Variants in RORA observed in about 807,000 individuals in gnomAD.
The protein encoded by RORA is nuclear receptor ROR-alpha.
RORA carries 7 observed loss-of-function variants against 69.5 expected under a neutral mutation model. That is an observed-to-expected ratio of 0.10 (90% CI 0.06 to 0.19). The LOEUF (loss-of-function observed/expected upper bound fraction) is 0.19, where lower values mean the gene tolerates loss of function less well. RORA is among the 10% of genes least tolerant of loss of function. The probability of loss-of-function intolerance (pLI) is 1.00; values close to 1 mark genes in which losing one functional copy is unlikely to be tolerated. For missense variants in RORA, 457 were observed against 663.0 expected (o/e 0.69, Z 3.41); for synonymous variants, 261 against 240.8 (o/e 1.08, Z -0.78).
At chr15:60,694,614 C>T (rs1280689005) in intron 1 of RORA, among the ~76,000 whole-genome samples, 1 of 152,216 alleles carries the variant, frequency 6.6e-6, no homozygotes, top group East Asian at 1.9e-4. Context: ...CTCGCCCAAA[C>T]CTCGAGGACA....
chr15:60,847,717 T>C (rs954804987), intron 1 of RORA: 8 of 152,202 alleles, frequency 5.3e-5, no homozygotes, highest in African/African-American at 1.7e-4. Flanking sequence ...AAGTTTTCCA[T>C]ATTGATACCA....
At chr15:60,785,910 C>T (rs1053602934) in intron 1 of RORA, among the ~76,000 whole-genome samples, 18 of 152,204 alleles carry the variant, frequency 1.2e-4, no homozygotes, top group African/African-American at 2.4e-4. Context: ...CTGTATGCTC[C>T]GCACAACAGG....
intron 1 of RORA, among the ~76,000 whole-genome samples, chr15:61,173,823 C>T (rs528080125): frequency 6.6e-6 from 1 of 152,208 alleles, no homozygotes; most frequent in African/African-American, 2.4e-5. Context: ...TGCCACCGTG[C>T]CTGGATGATT....
At chr15:60,862,363 G>A (rs561158023) in intron 1 of RORA, among the ~76,000 whole-genome samples, 1 of 152,212 alleles carries the variant, frequency 6.6e-6, no homozygotes, top group Non-Finnish European at 1.5e-5. Context: ...AGATGGACAA[G>A]GAAAAGTGGG....
intron 1 of RORA, among the ~76,000 whole-genome samples, chr15:61,175,272 A>T (rs2079617790): frequency 6.6e-6 from 1 of 152,156 alleles, no homozygotes; most frequent in Non-Finnish European, 1.5e-5. Context: ...TAGGATTCAA[A>T]TTTAGGAAAT....
chr15:60,645,811 T>A (rs199850371), intron 2 of RORA, among the ~76,000 whole-genome samples: 4 of 139,906 alleles, frequency 2.9e-5, no homozygotes, highest in East Asian at 2.0e-4. Flanking sequence ...TTTTTTTTTT[T>A]TAAAAAATTA....
chr15:60,538,228 C>T (rs2066741188), intron 2 of RORA, among the ~76,000 whole-genome samples: 1 of 152,172 alleles, frequency 6.6e-6, no homozygotes, highest in African/African-American at 2.4e-5. Flanking sequence ...AAAGAAAGCA[C>T]TGGGAGTCAA....
intron 1 of RORA, among the ~76,000 whole-genome samples, chr15:61,186,531 C>T (rs2140909944): frequency 6.6e-6 from 1 of 150,394 alleles, no homozygotes; most frequent in Middle Eastern, 3.4e-3. Flanking sequence ...ATCCCAGCTA[C>T]TCAGGATGTT....
At chr15:61,059,483 A>G (rs2078140940) in intron 1 of RORA, among the ~76,000 whole-genome samples, 1 of 152,234 alleles carries the variant, frequency 6.6e-6, no homozygotes. Flanking sequence ...AAATGTACCT[A>G]TTTATTACAA....
At chr15:60,911,069 ATTTTTTTTTTT>A (rs528370848) in intron 1 of RORA, among the ~76,000 whole-genome samples, 23 of 89,682 alleles carry the variant, frequency 2.6e-4, no homozygotes, top group Middle Eastern at 5.6e-3. Flanking sequence ...TGCCCAGCTA[ATTTTTTTTTTT>A]TTTTTTTTTT....
chr15:61,226,082 A>G lies in RORA; in HGVS notation c.166+2971T>C, dbSNP rs2080142925. On this transcript the variant is annotated intron_variant, in intron 1 of 10. Transcript: ENST00000335670. This position sits in a 1 kb window ranked among gnomAD's most constrained non-coding sequence, Gnocchi z 4.2. ...CAATAAAGGTACACAGTGCATCCAC[A>G]CTTGGATTCCCAAGAGGGAGGAATT... 6.6e-6 allele frequency among the ~76,000 whole-genome samples: 1 copy of G among 152,180 alleles called. No homozygotes were observed. The highest frequency in any genetic ancestry group is 1.5e-5 in the Non-Finnish European group (1 of 68,016).
Position 61,193,421 on chromosome 15 carries a change from A to T in RORA, c.166+35632T>A, listed in dbSNP as rs537324267. Among the ~76,000 whole-genome samples the T allele has an allele frequency of 2.0e-5, 3 of 152,282 alleles. No individual in the cohort carries two copies. The East Asian group carries it at 5.8e-4, about 29-fold the overall frequency. On this transcript the variant is annotated intron_variant, in intron 1 of 10. Transcript: ENST00000335670. Reference sequence around the variant, plus strand: ...CTAGTGAGTATTTTTTTAAGGATTCATTATAGAAAAAGTTAGACTTTTTCC... The same window carrying T: ...CTAGTGAGTATTTTTTTAAGGATTCTTTATAGAAAAAGTTAGACTTTTTCC...
At chr15:60,784,383 G>A (rs1409889725) in intron 1 of RORA, among the ~76,000 whole-genome samples, 4 of 152,110 alleles carry the variant, frequency 2.6e-5, no homozygotes, top group African/African-American at 9.7e-5. Context: ...GGAGATTCTG[G>A]ACATTCCAAT....
intron 2 of RORA, among the ~76,000 whole-genome samples, chr15:60,564,169 C>T (rs1017242352): frequency 6.6e-6 from 1 of 152,178 alleles, no homozygotes; most frequent in South Asian, 2.1e-4. Context: ...AATCCCAGCT[C>T]ACACTTCTGT....
intron 2 of RORA, among the ~76,000 whole-genome samples, chr15:60,608,186 C>T (rs2068997657): frequency 6.6e-6 from 1 of 152,180 alleles, no homozygotes; most frequent in Non-Finnish European, 1.5e-5. Flanking sequence ...GAAGTGATTG[C>T]TGAGAATGTC....
At chr15:61,015,649 T>A (rs937271897) in intron 1 of RORA, among the ~76,000 whole-genome samples, 3 of 152,210 alleles carry the variant, frequency 2.0e-5, no homozygotes, top group African/African-American at 2.4e-5. Flanking sequence ...TGTGCTATTA[T>A]TATTTTACTC....
intron 1 of RORA, among the ~76,000 whole-genome samples, chr15:61,028,565 G>C (rs1241445315): frequency 6.6e-6 from 1 of 152,112 alleles, no homozygotes; most frequent in Middle Eastern, 3.2e-3. Context: ...CATTAAATTA[G>C]GCCAAGAATC....
At chr15:60,978,562 TG>T (rs1328741025) in intron 1 of RORA, among the ~76,000 whole-genome samples, 2 of 152,202 alleles carry the variant, frequency 1.3e-5, no homozygotes, top group African/African-American at 4.8e-5. Flanking sequence ...TTATTGCTTA[TG>T]TTTTTGGTGT....
rs545168599 is a variant in RORA at position 60,943,916 on chromosome 15, C to CAAAAAAAAAAAAAAAAA, written c.167-265247_167-265231dup. Among the ~76,000 whole-genome samples, 66 of 32,356 alleles carry CAAAAAAAAAAAAAAAAA rather than the reference C, an allele frequency of 2.0e-3. 9 individuals carry two copies. The highest frequency in any genetic ancestry group is 3.8e-3 in the South Asian group (3 of 788). 21.2% of individuals were successfully genotyped at this position (32,356 alleles called of 152,430 possible). The stretch of plus-strand genomic sequence containing the variant: ...GGGTGACAGAGCCAGACTCCATCTC[C>CAAAAAAAAAAAAAAAAA]AAAAAAAAAAAAAAAAAAAAAAAAG... On this transcript the variant is annotated intron_variant, in intron 1 of 10. Coordinates refer to ENST00000335670, the MANE Select transcript of RORA (RefSeq NM_134261.3).
Sources: gnomAD v4.1 joint callset for allele counts (sites outside exome capture counted in the v4.1 genomes callset) on GRCh38, gnomAD v4.1.1 for gene constraint, Gnocchi (gnomAD v3.1) non-coding constraint, MANE v1.5 for transcripts, NCBI Gene and HGNC (gene_info 2026-07-23, HGNC 2026-07-21) for gene names.